The following GRIK1 variants were observed in gnomAD, a reference collection of about 807,000 sequenced individuals.
GRIK1 encodes the protein glutamate ionotropic receptor kainate type subunit 1, also known as glutamate receptor ionotropic, kainate 1.
GRIK1 carries 69 observed loss-of-function variants against 105.7 expected under a neutral mutation model. The ratio of observed to expected loss-of-function variants is 0.65; its 90% confidence interval spans 0.54 to 0.80. The LOEUF is 0.80. Among genes scored for constraint, GRIK1 ranks in the 30% least tolerant of loss-of-function variants. The pLI is 0.00. For missense variants in GRIK1, 1,109 were observed against 1,167.3 expected (o/e 0.95, Z 0.73); for synonymous variants, 438 against 431.3 (o/e 1.02, Z -0.19).
intron 1 of GRIK1, among the ~76,000 whole-genome samples, chr21:29,814,711 T>A (rs2067107420): frequency 6.6e-6 from 1 of 152,194 alleles, no homozygotes; most frequent in Non-Finnish European, 1.5e-5. Flanking sequence ...CAGAAATTCA[T>A]CTTTAAATCC....
At chr21:29,829,986 G>T (rs1297348872) in intron 1 of GRIK1, among the ~76,000 whole-genome samples, 2 of 152,134 alleles carry the variant, frequency 1.3e-5, no homozygotes, top group African/African-American at 4.8e-5. Flanking sequence ...AATAGTCATT[G>T]TTTAAGCAGT....
chr21:29,889,936 G>A (rs73345464), intron 1 of GRIK1, among the ~76,000 whole-genome samples: 10 of 151,890 alleles, frequency 6.6e-5, no homozygotes, highest in African/African-American at 2.2e-4. Flanking sequence ...TTGAATAACT[G>A]TGTCCTTTGT....
intron 1 of GRIK1, among the ~76,000 whole-genome samples, chr21:29,818,548 C>T (rs1223387090): frequency 6.6e-6 from 1 of 152,028 alleles, no homozygotes; most frequent in African/African-American, 2.4e-5. Context: ...TGAGTCCCAC[C>T]ACTCCCCAGC....
At chr21:29,621,223 A>T (rs980150627) in intron 7 of GRIK1, among the ~76,000 whole-genome samples, 64 of 152,328 alleles carry the variant, frequency 4.2e-4, no homozygotes, top group African/African-American at 1.2e-3. Context: ...TTAAAAAATC[A>T]TTTCTGAATC....
At chr21:29,604,642 T>A (rs1177746589) in intron 7 of GRIK1, among the ~76,000 whole-genome samples, 1 of 152,204 alleles carries the variant, frequency 6.6e-6, no homozygotes, top group Non-Finnish European at 1.5e-5. Flanking sequence ...TAGAAGCATT[T>A]GCAGAGGGGA....
chr21:29,859,405 A>AC (rs1247283758), intron 1 of GRIK1, among the ~76,000 whole-genome samples: 1 of 151,748 alleles, frequency 6.6e-6, no homozygotes, highest in Non-Finnish European at 1.5e-5. Flanking sequence ...AAAAAAACAA[A>AC]AAAAAATAAA....
chr21:29,592,487 G>A (rs116879362), intron 9 of GRIK1, among the ~76,000 whole-genome samples: 5,029 of 152,264 alleles, frequency 0.033, 127 homozygotes, highest in Non-Finnish European at 0.05. Flanking sequence ...GAGGAGCCTT[G>A]GGGATTTTGA....
intron 1 of GRIK1, among the ~76,000 whole-genome samples, chr21:29,824,692 CAT>C (rs1273897642): frequency 2.0e-5 from 3 of 150,580 alleles, no homozygotes; most frequent in African/African-American, 7.5e-5. Flanking sequence ...GGCGAGAAGT[CAT>C]TGCACGTGAA....
chr21:29,768,019 TC>T (rs1199251719), intron 1 of GRIK1, among the ~76,000 whole-genome samples: 1 of 152,052 alleles, frequency 6.6e-6, no homozygotes, highest in African/African-American at 2.4e-5. Context: ...GGCAATGGGG[TC>T]CCAGCTACCA....
In GRIK1 at chr21:29,621,393, GGTGT is replaced by G. The variant is rs140835951; in HGVS notation, c.1098+21429_1098+21432del. 8.4e-3 allele frequency among the ~76,000 whole-genome samples: 1,258 copies of G among 149,470 alleles called. 12 individuals carry two copies. The highest frequency in any genetic ancestry group is 0.029 in the African/African-American group (1,196 of 40,972). The stretch of plus-strand genomic sequence containing the variant: ...ATATAAATATTCATTGGGCCTGAGG[GGTGT>G]GTGTGTGTGTGTGTGGGGAAGACGA... On this transcript the variant is annotated intron_variant, in intron 7 of 17. Coordinates refer to ENST00000327783, the MANE Select transcript of GRIK1 (RefSeq NM_001330994.2).
chr21:29,736,382 T>C (rs2064791764), intron 1 of GRIK1, among the ~76,000 whole-genome samples: 1 of 151,990 alleles, frequency 6.6e-6, no homozygotes, highest in East Asian at 1.9e-4. Flanking sequence ...AGGTGCATGC[T>C]ACCACCTGGC....
intron 1 of GRIK1, among the ~76,000 whole-genome samples, chr21:29,714,038 A>G (rs1277957228): frequency 6.6e-6 from 1 of 152,202 alleles, no homozygotes; most frequent in South Asian, 2.1e-4. Context: ...GTATGTTTCA[A>G]TGGGCGAGAA....
At chr21:29,744,562 G>GTTT (rs79652093) in intron 1 of GRIK1, among the ~76,000 whole-genome samples, 1 of 140,298 alleles carries the variant, frequency 7.1e-6, no homozygotes, top group African/African-American at 2.6e-5. Flanking sequence ...TCTCAGCTAG[G>GTTT]TTTTTTTTTT....
intron 4 of GRIK1, among the ~76,000 whole-genome samples, chr21:29,660,720 C>A (rs1204251815): frequency 6.6e-6 from 1 of 152,160 alleles, no homozygotes; most frequent in Non-Finnish European, 1.5e-5. Flanking sequence ...GAAGTTTATA[C>A]TGACTAAGCC....
chr21:29,929,863 A>C (rs181987671), intron 1 of GRIK1, among the ~76,000 whole-genome samples: 3 of 152,354 alleles, frequency 2.0e-5, no homozygotes, highest in Admixed American at 6.5e-5. Context: ...AGATATCTGC[A>C]CTTCAGTTCA....
chr21:29,696,651 G>T lies in GRIK1; in HGVS notation c.119-2588C>A, dbSNP rs1164880375. Among the ~76,000 whole-genome samples, 3 of 152,222 alleles carry T rather than the reference G, an allele frequency of 2.0e-5. No homozygotes were observed. In the East Asian group the frequency reaches 5.8e-4, roughly 29 times the overall value. On this transcript the variant is annotated intron_variant, in intron 1 of 17. Coordinates refer to ENST00000327783, the MANE Select transcript of GRIK1 (RefSeq NM_001330994.2). ...ATTATGAACAATGACTTGTTTACTT[G>T]TCTGTCTCCTCAGCCCCACAGGGAG...
intron 1 of GRIK1, among the ~76,000 whole-genome samples, chr21:29,782,668 C>T (rs1300074438): frequency 1.3e-5 from 2 of 152,180 alleles, no homozygotes; most frequent in Admixed American, 1.3e-4. Flanking sequence ...TCACATAAAA[C>T]GGGCAAAGAT....
At chr21:29,657,161 AGG>A in intron 4 of GRIK1, among the ~76,000 whole-genome samples, 1 of 152,346 alleles carries the variant, frequency 6.6e-6, no homozygotes, top group African/African-American at 2.4e-5. Flanking sequence ...ACCTCTTGAA[AGG>A]GAACTGGGCA....
intron 1 of GRIK1, among the ~76,000 whole-genome samples, chr21:29,712,051 TGTATAC>T (rs1401825923): frequency 1.3e-5 from 2 of 149,722 alleles, no homozygotes; most frequent in African/African-American, 4.9e-5. Flanking sequence ...TATGTGTGTG[TGTATAC>T]GTATATAAGT....
Sources: allele counts gnomAD v4.1 joint callset (sites outside exome capture counted in the v4.1 genomes callset), GRCh38; gene constraint gnomAD v4.1.1; transcripts MANE v1.5; gene names NCBI Gene and HGNC (gene_info 2026-07-23, HGNC 2026-07-21).